The following DLC1 variants were observed in gnomAD, a reference collection of about 807,000 sequenced individuals.
DLC1 encodes the protein rho GTPase-activating protein 7.
In DLC1, 54 loss-of-function variants were observed where a neutral mutation model predicts 140.3. That is an observed-to-expected ratio of 0.38 (90% CI 0.31 to 0.48). The LOEUF (loss-of-function observed/expected upper bound fraction) is 0.48, where lower values mean the gene tolerates loss of function less well. DLC1 is among the 20% of genes least tolerant of loss of function. The pLI is 0.96. For missense variants in DLC1, 2,536 were observed against 1,907.0 expected (o/e 1.33, Z -6.14); for synonymous variants, 986 against 728.1 (o/e 1.35, Z -5.70).
At chr8:13,276,607 C>T in intron 5 of DLC1, 1 of 1,237,978 alleles carries the variant, frequency 8.1e-7, no homozygotes, top group Non-Finnish European at 1.0e-6. Context: ...AAAGACTTAC[C>T]CTGCGCCGGC....
intron 5 of DLC1, among the ~76,000 whole-genome samples, chr8:13,280,510 C>T (rs1351697585): frequency 6.6e-6 from 1 of 152,014 alleles, no homozygotes; most frequent in Non-Finnish European, 1.5e-5. Flanking sequence ...TAATATTTTC[C>T]ATATAAGAAA....
rs561947306 is a variant in DLC1 at position 13,190,092 on chromosome 8, TATTTTACTC to T, written c.1349-74444_1349-74436del. Among the ~76,000 whole-genome samples the T allele has an allele frequency of 7.2e-5, 11 of 152,354 alleles. 1 individual carries two copies. In the South Asian group the frequency reaches 2.1e-3, roughly 29 times the overall value. ...TGAAACTAACTCTAATGCAATTTTT[TATTTTACTC>T]AATGTATTCCAAATATCATTTTGGC... On this transcript the variant is annotated intron_variant, in intron 5 of 17. Transcript: ENST00000276297.
chr8:13,121,320 AG>A (rs771245949), intron 5 of DLC1, among the ~76,000 whole-genome samples: 1 of 152,196 alleles, frequency 6.6e-6, no homozygotes, highest in Non-Finnish European at 1.5e-5. Context: ...TCAAATGGGA[AG>A]GAAGATACTG....
intron 5 of DLC1, among the ~76,000 whole-genome samples, chr8:13,185,842 G>C (rs1167978054): frequency 6.6e-6 from 1 of 152,096 alleles, no homozygotes; most frequent in Non-Finnish European, 1.5e-5. Context: ...GGCAGGCCTG[G>C]TGGTGACAAA....
At chr8:13,104,711 T>C (rs550020) in intron 7 of DLC1, among the ~76,000 whole-genome samples, 61,071 of 152,074 alleles carry the variant, frequency 0.4, 13,389 homozygotes, top group Middle Eastern at 0.5. Flanking sequence ...TGCAACAGAA[T>C]AGAAAGCATT....
chr8:13,158,118 A>C (rs1824394962), intron 5 of DLC1, among the ~76,000 whole-genome samples: 1 of 152,174 alleles, frequency 6.6e-6, no homozygotes, highest in Non-Finnish European at 1.5e-5. Flanking sequence ...TCAAGAGGTC[A>C]CATTTTTATT....
chr8:13,122,377 A>T (rs180964380), intron 5 of DLC1, among the ~76,000 whole-genome samples: 1 of 152,294 alleles, frequency 6.6e-6, no homozygotes, highest in East Asian at 1.9e-4. Flanking sequence ...AGTTCTCTCA[A>T]ATGAATTACC....
chr8:13,151,226 C>T (rs1474086873), intron 5 of DLC1, among the ~76,000 whole-genome samples: 1 of 152,188 alleles, frequency 6.6e-6, no homozygotes, highest in Non-Finnish European at 1.5e-5. Context: ...TGTCAGTCTT[C>T]CTCACTCTGT....
chr8:13,462,089 C>G (rs943112216), intron 2 of DLC1, among the ~76,000 whole-genome samples: 3 of 152,148 alleles, frequency 2.0e-5, no homozygotes, highest in African/African-American at 7.2e-5. Context: ...CAGAATGAGA[C>G]TTCCTGTTGC....
At chr8:13,091,622 A>G (rs1777539310) in intron 13 of DLC1, among the ~76,000 whole-genome samples, 190 bp from the exon 14 acceptor site, 1 of 152,204 alleles carries the variant, frequency 6.6e-6, no homozygotes, top group Admixed American at 6.5e-5. Context: ...AACACACAAA[A>G]AAACATTAAA....
intron 2 of DLC1, among the ~76,000 whole-genome samples, chr8:13,431,499 A>G (rs1838866479): frequency 7.5e-6 from 1 of 133,932 alleles, no homozygotes; most frequent in Non-Finnish European, 1.7e-5. Flanking sequence ...AAAAAAAAAA[A>G]AAAAAAAAAA....
intron 1 of DLC1, among the ~76,000 whole-genome samples, chr8:13,589,444 G>C (rs73212169): frequency 0.023 from 3,560 of 152,134 alleles, 79 homozygotes; most frequent in South Asian, 0.06. Context: ...GGCACTTTGT[G>C]GATAGATCAC....
intron 1 of DLC1, among the ~76,000 whole-genome samples, chr8:13,529,388 A>T (rs895327306): frequency 6.6e-6 from 1 of 152,192 alleles, no homozygotes; most frequent in Non-Finnish European, 1.5e-5. Flanking sequence ...TTTAAGTACA[A>T]GTCATTTCAA....
intron 2 of DLC1, among the ~76,000 whole-genome samples, chr8:13,431,285 C>T (rs1357333931): frequency 6.6e-6 from 1 of 151,626 alleles, no homozygotes; most frequent in Non-Finnish European, 1.5e-5. Flanking sequence ...AGATCGAGAC[C>T]ATCTTGGCTA....
At chr8:13,109,393 C>A (rs1819873752) in intron 7 of DLC1, among the ~76,000 whole-genome samples, 1 of 151,562 alleles carries the variant, frequency 6.6e-6, no homozygotes, top group Non-Finnish European at 1.5e-5. Context: ...CGCATCTCTA[C>A]AAAAAATACA....
chr8:13,181,669 T>C (rs1232631386), intron 5 of DLC1, among the ~76,000 whole-genome samples: 2 of 151,810 alleles, frequency 1.3e-5, no homozygotes, highest in South Asian at 4.2e-4. Flanking sequence ...CATGAACTCA[T>C]CCTTTTTTAT....
chr8:13,203,582 C>T (rs1041392270), intron 5 of DLC1, among the ~76,000 whole-genome samples: 2 of 152,186 alleles, frequency 1.3e-5, no homozygotes, highest in African/African-American at 2.4e-5. Flanking sequence ...CACGTCTGGA[C>T]AGAAGTGTTT....
intron 5 of DLC1, among the ~76,000 whole-genome samples, chr8:13,251,008 C>T (rs899695735): frequency 2.0e-5 from 3 of 152,190 alleles, no homozygotes; most frequent in Non-Finnish European, 4.4e-5. Flanking sequence ...GGTTTTTTCA[C>T]AGTGCTGGAC....
intron 3 of DLC1, among the ~76,000 whole-genome samples, chr8:13,398,161 A>C (rs1318509426): frequency 6.6e-6 from 1 of 152,150 alleles, no homozygotes; most frequent in African/African-American, 2.4e-5. Context: ...TCTCTAAAAA[A>C]TAAAAATAAA....
Sources: allele counts gnomAD v4.1 joint callset (sites outside exome capture counted in the v4.1 genomes callset), GRCh38; gene constraint gnomAD v4.1.1; transcripts MANE v1.5; gene names NCBI Gene and HGNC (gene_info 2026-07-23, HGNC 2026-07-21).